Variants in YME1L1 observed in about 807,000 individuals in gnomAD.
The protein encoded by YME1L1 is ATP-dependent zinc metalloprotease YME1L1.
YME1L1 carries 39 observed loss-of-function variants against 90.4 expected under a neutral mutation model. The observed-to-expected ratio is 0.43, with a 90% confidence interval of 0.33 to 0.56. The LOEUF is 0.56. YME1L1 is among the 20% of genes least tolerant of loss of function. YME1L1 has a pLI of 0.03. For missense variants in YME1L1, 617 were observed against 868.4 expected, an observed-to-expected ratio of 0.71 and a Z score of 3.64; for synonymous variants, 284 against 287.3, an observed-to-expected ratio of 0.99 and a Z score of 0.12.
intron 18 of YME1L1, among the ~76,000 whole-genome samples, chr10:27,113,536 G>A (rs1399172056): frequency 6.6e-6 from 1 of 151,718 alleles, no homozygotes; most frequent in African/African-American, 2.4e-5. Context: ...GCCAGGCATG[G>A]TGGCACGCGC....
At chr10:27,125,245 T>C (rs1020249212) in intron 9 of YME1L1, among the ~76,000 whole-genome samples, 2 of 152,104 alleles carry the variant, frequency 1.3e-5, no homozygotes, top group Non-Finnish European at 2.9e-5. Flanking sequence ...AAATTCAATA[T>C]AAATGGTTAA....
chr10:27,115,323 CTT>C (rs71386913), intron 17 of YME1L1, among the ~76,000 whole-genome samples: 45 of 142,204 alleles, frequency 3.2e-4, no homozygotes, highest in Non-Finnish European at 2.3e-4. Context: ...CATTTAAAAT[CTT>C]TTTTTTTTTT....
Position 27,119,461 on chromosome 10 carries a change from A to G in YME1L1, c.1412-12T>C. 1 of 1,601,668 alleles carries G rather than the reference A, an allele frequency of 6.2e-7. No homozygotes were observed. Among genetic ancestry groups the G allele is most frequent in the South Asian group, 1.1e-5 (1 of 88,830 alleles). On this transcript the variant is annotated splice_polypyrimidine_tract_variant and intron_variant, in intron 13 of 18. Coordinates refer to ENST00000376016, the MANE Select transcript of YME1L1 (RefSeq NM_014263.4). ...TTCTGGATCAACGGCTAATGTAAAA[A>G]GAGAACACAACGCTAATAAGTCTAA...
Position 27,131,836 on chromosome 10 carries a change from G to T in YME1L1, c.858+23C>A, listed in dbSNP as rs374805479. ...ATCAATTAGAGGATGTATGAAGAAG[G>T]CAAGGCAATCTTCTTAACTTACCCC... On this transcript the variant is annotated intron_variant, in intron 8 of 18. Coordinates refer to ENST00000376016, the MANE Select transcript of YME1L1 (RefSeq NM_014263.4). 3.8e-6 allele frequency: 6 copies of T among 1,576,092 alleles called. No individual in the cohort carries two copies. The African/African-American group carries it at 5.4e-5, about 14-fold the overall frequency.
chr10:27,147,031 GA>G (rs1223146804), intron 2 of YME1L1: 1 of 236,244 alleles, frequency 4.2e-6, no homozygotes, highest in Non-Finnish European at 8.3e-6. Context: ...GCGGCTTAGG[GA>G]CGGGGGCAAA....
At chr10:27,121,748 ATTTTTT>A (rs10585648) in intron 11 of YME1L1, among the ~76,000 whole-genome samples, 11,345 of 138,596 alleles carry the variant, frequency 0.082, 632 homozygotes, top group African/African-American at 0.17. Flanking sequence ...ACAAGCCACT[ATTTTTT>A]TTTTTTTTTG....
In YME1L1 at chr10:27,116,274, A is replaced by G. The variant is rs1174938359; in HGVS notation, c.1791T>C (p.Ser597=). The change falls in exon 16 of 19, where the codon AGT becomes AGC. Residue 597 remains serine (S), a synonymous_variant. Coordinates refer to ENST00000376016, the MANE Select transcript of YME1L1 (RefSeq NM_014263.4). The part of the protein sequence containing the change: ...RAQLLAQMDV[S]MGGRVAEELI... The stretch of plus-strand genomic sequence containing the variant: ...GCTCCTCTGCCACTCTTCCTCCCAT[A>G]CTAACATCCATTTGTGCAAGCAGCT... 2.5e-6 allele frequency: 4 copies of G among 1,614,006 alleles called. No homozygotes were observed. The highest frequency in any genetic ancestry group is 3.4e-6 in the Non-Finnish European group (4 of 1,180,028).
intron 18 of YME1L1, 94 bp downstream of exon 18, chr10:27,114,427 T>C (rs1396972227): frequency 1.2e-6 from 1 of 868,778 alleles, no homozygotes; most frequent in Non-Finnish European, 1.7e-6. Context: ...ATGTTTCTAG[T>C]GAACAGAGGG....
At chr10:27,129,085 C>CAAAAA (rs71523559) in intron 8 of YME1L1, among the ~76,000 whole-genome samples, 5 of 48,518 alleles carry the variant, frequency 1.0e-4, no homozygotes, top group African/African-American at 1.5e-4. Flanking sequence ...GACCCTGTCT[C>CAAAAA]AAAAAAAAAA....
chr10:27,141,793 GT>G (rs1172116923), intron 4 of YME1L1, among the ~76,000 whole-genome samples: 1 of 152,128 alleles, frequency 6.6e-6, no homozygotes, highest in Non-Finnish European at 1.5e-5. Context: ...TGGAAGTGGG[GT>G]TTTTCCTGAG....
intron 3 of YME1L1, among the ~76,000 whole-genome samples, chr10:27,143,838 T>C (rs538317786): frequency 6.6e-6 from 1 of 152,258 alleles, no homozygotes; most frequent in East Asian, 1.9e-4. Flanking sequence ...GAATCATAGC[T>C]ACTATTATCT....
At position 27,123,705 on chromosome 10, in the gene YME1L1, A is replaced by G; in HGVS notation, c.950-6T>C. On this transcript the variant is annotated splice_polypyrimidine_tract_variant and splice_region_variant and intron_variant, in intron 9 of 18. Transcript: ENST00000376016. Reference sequence around the variant, plus strand: ...GGGTCCAACTAAAAGAATTCCTAAAAGAAAATGAAAACGAGAATGATTCAA... The same window carrying G: ...GGGTCCAACTAAAAGAATTCCTAAAGGAAAATGAAAACGAGAATGATTCAA... 6.3e-7 allele frequency: 1 copy of G among 1,586,902 alleles called. No individual in the cohort carries two copies. Among genetic ancestry groups the G allele is most frequent in the Admixed American group, 1.9e-5 (1 of 52,012 alleles).
chr10:27,143,699 TAA>T (rs10671752), intron 3 of YME1L1, among the ~76,000 whole-genome samples: 8 of 134,304 alleles, frequency 6.0e-5, no homozygotes, highest in Admixed American at 2.3e-4. Context: ...CTCGTCTCTT[TAA>T]AAAAAAAAAA....
rs1384707012 is a variant in YME1L1 at position 27,111,065 on chromosome 10, T to C, written c.*912A>G. 1 of 151,294 alleles carries C rather than the reference T, an allele frequency of 6.6e-6. No homozygotes were observed. The highest frequency in any genetic ancestry group is 1.5e-5 in the Non-Finnish European group (1 of 67,824). 9.4% of individuals were successfully genotyped at this position (151,294 alleles called of 1,614,324 possible). A position where few individuals can be genotyped will look rare whatever the true frequency, so the allele number is the denominator to read the frequency against. On this transcript the variant is annotated 3_prime_UTR_variant, in exon 19 of 19. Coordinates refer to ENST00000376016, the MANE Select transcript of YME1L1 (RefSeq NM_014263.4). Reference sequence around the variant, plus strand: ...TTTTTTGTATTTAAATTTATTTTAATTTTTTTTTGAGGCAGAGTCTTGCTC... The same window carrying C: ...TTTTTTGTATTTAAATTTATTTTAACTTTTTTTTGAGGCAGAGTCTTGCTC...
intron 2 of YME1L1, chr10:27,147,052 AT>A: frequency 3.8e-6 from 1 of 266,140 alleles, no homozygotes; most frequent in South Asian, 8.8e-5. Flanking sequence ...ACAAAAAGCC[AT>A]CCAAGGGTCT....
intron 18 of YME1L1, among the ~76,000 whole-genome samples, chr10:27,113,390 GC>G (rs1031061073): frequency 2.6e-5 from 4 of 151,774 alleles, no homozygotes; most frequent in African/African-American, 9.7e-5. Flanking sequence ...CTGAAATTGG[GC>G]CGGGCGCAGT....
At chr10:27,153,119 T>A (rs1588622868) in intron 1 of YME1L1, 1 of 459,844 alleles carries the variant, frequency 2.2e-6, no homozygotes, top group East Asian at 7.0e-5. Flanking sequence ...GACCTCCAGG[T>A]ATTTTTCTGT....
intron 14 of YME1L1, among the ~76,000 whole-genome samples, chr10:27,118,764 A>T (rs1007262779): frequency 1.1e-4 from 17 of 152,250 alleles, no homozygotes; most frequent in African/African-American, 4.1e-4. Context: ...TGTGATTTTA[A>T]GCCAATCCAA....
chr10:27,150,719 A>G lies in YME1L1; in HGVS notation c.34-1679T>C, dbSNP rs144481261. 1.4e-3 allele frequency among the ~76,000 whole-genome samples: 220 copies of G among 152,284 alleles called. 3 individuals are homozygous for G. In the South Asian group the frequency reaches 0.023, roughly 16 times the overall value. ...TCAAGAAGTTACCCTATGTGGTCTAAAAAGGGGAGGAACCTTAGGGGTCCC... is the reference window on the plus strand; with the variant it reads ...TCAAGAAGTTACCCTATGTGGTCTAGAAAGGGGAGGAACCTTAGGGGTCCC... On this transcript the variant is annotated intron_variant, in intron 1 of 18. Coordinates refer to ENST00000376016, the MANE Select transcript of YME1L1 (RefSeq NM_014263.4).
Sources: gnomAD v4.1 joint callset for allele counts (sites outside exome capture counted in the v4.1 genomes callset) on GRCh38, gnomAD v4.1.1 for gene constraint, MANE v1.5 for transcripts, NCBI Gene and HGNC (gene_info 2026-07-23, HGNC 2026-07-21) for gene names.